The following GNAQ variants were observed in gnomAD, a reference collection of about 807,000 sequenced individuals.
The protein encoded by GNAQ is G protein subunit alpha q.
Under a neutral mutation model 43.9 loss-of-function variants are expected in GNAQ, and 8 were observed. The ratio of observed to expected loss-of-function variants is 0.18; its 90% CI spans 0.11 to 0.33. GNAQ has a LOEUF of 0.33. Ranked by LOEUF, GNAQ falls within the 10% of genes least tolerant of loss-of-function variation. The pLI, the probability that GNAQ is intolerant of heterozygous loss-of-function variation, is 1.00. For synonymous variants in GNAQ, 155 were observed against 170.7 expected, an observed-to-expected ratio of 0.91 and a Z score of 0.71; for missense variants, 158 against 450.8, an observed-to-expected ratio of 0.35 and a Z score of 5.88.
rs777692409 is a variant in GNAQ, at chr9:77,716,656, CCTTT to C, written c.*4663_*4666del. 2.5e-4 allele frequency: 59 copies of C among 232,874 alleles called. No individual in the cohort carries two copies. The highest frequency in any genetic ancestry group is 3.3e-4 in the African/African-American group (15 of 45,428). 14.4% of individuals were successfully genotyped at this position (232,874 alleles called of 1,614,324 possible). A position where few individuals can be genotyped will look rare whatever the true frequency, so the allele number is the denominator to read the frequency against. On this transcript the variant is annotated 3_prime_UTR_variant, in exon 7 of 7. Coordinates refer to ENST00000286548, the MANE Select transcript of GNAQ (RefSeq NM_002072.5). ...CTTAAAAATGTTCTACCAACGAATA[CCTTT>C]CTGTTTTTTCTGTCTACCAAAAGCT...
At chr9:77,844,079 G>A (rs866352708) in intron 2 of GNAQ, among the ~76,000 whole-genome samples, 38 of 152,000 alleles carry the variant, frequency 2.5e-4, no homozygotes, top group African/African-American at 9.2e-4. Context: ...TTCTTTTTGG[G>A]GTAATTTACA....
intron 2 of GNAQ, among the ~76,000 whole-genome samples, chr9:77,839,742 CTG>C (rs1827454338): frequency 6.6e-6 from 1 of 152,194 alleles, no homozygotes; most frequent in Non-Finnish European, 1.5e-5. Context: ...GGAGGAAACA[CTG>C]TTATTAAATT....
At chr9:77,830,153 T>C (rs905063171) in intron 2 of GNAQ, among the ~76,000 whole-genome samples, 2 of 152,114 alleles carry the variant, frequency 1.3e-5, no homozygotes, top group Admixed American at 1.3e-4. Context: ...AAGATCTCCC[T>C]AGATTCCCAG....
chr9:77,859,667 C>CA (rs1827812262), intron 2 of GNAQ, among the ~76,000 whole-genome samples: 1 of 152,156 alleles, frequency 6.6e-6, no homozygotes, highest in African/African-American at 2.4e-5. Context: ...TAGCTCCATT[C>CA]AGGATGTTCA....
chr9:78,005,281 G>A (rs141951038), intron 1 of GNAQ, among the ~76,000 whole-genome samples: 1 of 152,310 alleles, frequency 6.6e-6, no homozygotes, highest in East Asian at 1.9e-4. Context: ...CTGGGCTCAA[G>A]CAATCTGCCC....
intron 2 of GNAQ, among the ~76,000 whole-genome samples, chr9:77,847,128 C>T (rs910889976): frequency 1.3e-5 from 2 of 152,168 alleles, no homozygotes; most frequent in Non-Finnish European, 2.9e-5. Context: ...AAAAAAACTC[C>T]GACAGCCAGA....
At chr9:77,740,975 A>C (rs1463235391) in intron 5 of GNAQ, among the ~76,000 whole-genome samples, 2 of 152,224 alleles carry the variant, frequency 1.3e-5, no homozygotes, top group Admixed American at 1.3e-4. Flanking sequence ...ATATACAACA[A>C]ATGAGTGTGG....
chr9:77,971,692 T>G (rs1018716376), intron 1 of GNAQ, among the ~76,000 whole-genome samples: 2 of 152,190 alleles, frequency 1.3e-5, no homozygotes, highest in Non-Finnish European at 2.9e-5. Context: ...GGGCAAAAAC[T>G]GGAAGCATTA....
At chr9:77,764,383 C>T (rs1052084061) in intron 5 of GNAQ, among the ~76,000 whole-genome samples, 5 of 152,108 alleles carry the variant, frequency 3.3e-5, no homozygotes, top group African/African-American at 1.2e-4. Flanking sequence ...ACCTTGCCTA[C>T]ATCTGCAGTT....
At chr9:78,025,709 A>G (rs1823971050) in intron 1 of GNAQ, among the ~76,000 whole-genome samples, 1 of 152,126 alleles carries the variant, frequency 6.6e-6, no homozygotes, top group African/African-American at 2.4e-5. Context: ...GTCTCTTCCA[A>G]GATGTACCCT....
chr9:77,851,459 G>A (rs1827675280), intron 2 of GNAQ, among the ~76,000 whole-genome samples: 1 of 152,216 alleles, frequency 6.6e-6, no homozygotes. Flanking sequence ...TGAGAAAGTA[G>A]AGCTGGACGT....
At chr9:77,975,272 C>T (rs1433213257) in intron 1 of GNAQ, among the ~76,000 whole-genome samples, 1 of 152,160 alleles carries the variant, frequency 6.6e-6, no homozygotes, top group Non-Finnish European at 1.5e-5. Context: ...GACAACTAAG[C>T]TCTCACTGCT....
At chr9:77,742,558 G>A (rs1825670233) in intron 5 of GNAQ, among the ~76,000 whole-genome samples, 1 of 151,410 alleles carries the variant, frequency 6.6e-6, no homozygotes, top group African/African-American at 2.4e-5. Context: ...CTATTACTAA[G>A]TTACGCAGTC....
intron 2 of GNAQ, among the ~76,000 whole-genome samples, chr9:77,909,896 T>C (rs1828771546): frequency 6.6e-6 from 1 of 152,126 alleles, no homozygotes; most frequent in Admixed American, 6.6e-5. Context: ...AGTATCATAA[T>C]ATAACATGAA....
At chr9:77,898,743 A>G in intron 2 of GNAQ, among the ~76,000 whole-genome samples, 1 of 152,166 alleles carries the variant, frequency 6.6e-6, no homozygotes, top group East Asian at 1.9e-4. Context: ...ATAAAAATTG[A>G]TCCTTGATTC....
chr9:77,717,919 G>A lies in GNAQ; in HGVS notation c.*3404C>T, dbSNP rs1410968978. On this transcript the variant is annotated 3_prime_UTR_variant, in exon 7 of 7. Transcript: ENST00000286548. The stretch of plus-strand genomic sequence containing the variant: ...GAGATTTATTTACTTTTGAATGGGT[G>A]TGTTATTTCCCTTTGTTTCAGATAT... 4.3e-6 allele frequency: 1 copy of A among 232,496 alleles called. No homozygotes were observed. The highest frequency in any genetic ancestry group is 8.5e-6 in the Non-Finnish European group (1 of 117,720). The allele number at this position is 232,496 out of a possible 1,614,324, so 14.4% of individuals were successfully genotyped here.
At chr9:77,813,752 C>A (rs1826966110) in intron 3 of GNAQ, among the ~76,000 whole-genome samples, 1 of 152,088 alleles carries the variant, frequency 6.6e-6, no homozygotes, top group Non-Finnish European at 1.5e-5. Flanking sequence ...AGTAGCAGGA[C>A]TCTCCGTAGG....
At chr9:77,899,612 G>A (rs1249511647) in intron 2 of GNAQ, among the ~76,000 whole-genome samples, 1 of 151,946 alleles carries the variant, frequency 6.6e-6, no homozygotes, top group African/African-American at 2.4e-5. Flanking sequence ...ATAATCATAT[G>A]AAAGCATCTC....
At position 77,998,225 on chromosome 9, in the gene GNAQ, C is replaced by T. The variant is rs544769287; in HGVS notation, c.136+32875G>A. ...CTGATCAGGATACACTCACAGTTCACCCGCAAGAGCAGACAACAAATGAGG... is the reference window on the plus strand; with the variant it reads ...CTGATCAGGATACACTCACAGTTCATCCGCAAGAGCAGACAACAAATGAGG... On this transcript the variant is annotated intron_variant, in intron 1 of 6. Coordinates refer to ENST00000286548, the MANE Select transcript of GNAQ (RefSeq NM_002072.5). Among the ~76,000 whole-genome samples the T allele has an allele frequency of 4.6e-5, 7 of 152,316 alleles. No individual in the cohort carries two copies. The East Asian group carries it at 9.7e-4, about 21-fold the overall frequency.
Sources: gnomAD v4.1 joint callset for allele counts (sites outside exome capture counted in the v4.1 genomes callset) on GRCh38, gnomAD v4.1.1 for gene constraint, MANE v1.5 for transcripts, NCBI Gene and HGNC (gene_info 2026-07-23, HGNC 2026-07-21) for gene names.